Variants in CAMKMT observed in about 807,000 individuals in gnomAD.
The protein encoded by CAMKMT is calmodulin-lysine N-methyltransferase.
Under a neutral mutation model 48.0 loss-of-function variants are expected in CAMKMT, and 53 were observed. The observed-to-expected ratio is 1.10, with a 90% CI of 0.89 to 1.39. The LOEUF (loss-of-function observed/expected upper bound fraction) is 1.39, where lower values mean the gene tolerates loss of function less well. CAMKMT is among the 40% of genes most tolerant of loss of function. The pLI, the probability that CAMKMT is intolerant of heterozygous loss-of-function variation, is 0.00. For synonymous variants in CAMKMT, 165 were observed against 152.3 expected (o/e 1.08, Z -0.61); for missense variants, 428 against 402.7 (o/e 1.06, Z -0.54).
rs1004426126 is a variant in CAMKMT at position 44,750,029 on chromosome 2, C to T, written c.699-4026C>T. ...TTCTAGCTTAAGGTAAGGGACTCAC[C>T]GTTAGAGAAGAAATTCAAGTTGTGA... On this transcript the variant is annotated intron_variant, in intron 8 of 10. Coordinates refer to ENST00000378494, the MANE Select transcript of CAMKMT (RefSeq NM_024766.5). Among the ~76,000 whole-genome samples, 12 of 152,248 alleles carry T rather than the reference C, an allele frequency of 7.9e-5. No individual in the cohort carries two copies. In the East Asian group the frequency reaches 2.1e-3, roughly 27 times the overall value.
At chr2:44,647,631 C>A (rs2104022447) in intron 3 of CAMKMT, among the ~76,000 whole-genome samples, 1 of 152,160 alleles carries the variant, frequency 6.6e-6, no homozygotes, top group South Asian at 2.1e-4. Context: ...ATGGGCCGGG[C>A]ACAGTGGCTC....
intron 3 of CAMKMT, among the ~76,000 whole-genome samples, chr2:44,588,358 T>C (rs1234062420): frequency 2.9e-5 from 1 of 34,726 alleles, no homozygotes; most frequent in Non-Finnish European, 5.6e-5. Context: ...GGGGAGGGGC[T>C]CCTCTGCCCG....
At chr2:44,750,831 T>G (rs980429300) in intron 8 of CAMKMT, among the ~76,000 whole-genome samples, 2 of 152,170 alleles carry the variant, frequency 1.3e-5, no homozygotes, top group African/African-American at 4.8e-5. Context: ...CTGGCCAACA[T>G]GGTGAAACCC....
chr2:44,537,042 T>A, intron 3 of CAMKMT, among the ~76,000 whole-genome samples: 1 of 152,048 alleles, frequency 6.6e-6, no homozygotes. Context: ...AAATATCAGA[T>A]CCCAAACTAT....
chr2:44,655,268 C>A (rs192910934), intron 3 of CAMKMT, among the ~76,000 whole-genome samples: 1 of 152,134 alleles, frequency 6.6e-6, no homozygotes, highest in South Asian at 2.1e-4. Context: ...AAATGATAAG[C>A]TCCCAAATGC....
At chr2:44,501,757 C>A (rs1296775807) in intron 3 of CAMKMT, among the ~76,000 whole-genome samples, 1 of 152,082 alleles carries the variant, frequency 6.6e-6, no homozygotes, top group Non-Finnish European at 1.5e-5. Context: ...GTGGCTCGTG[C>A]TTGTAGTCCC....
chr2:44,767,809 A>G lies in CAMKMT; in HGVS notation c.894+1248A>G, dbSNP rs554398636. ...CTGGCTCCCTGGACTCCTCCACCCA[A>G]AGGAATAATGTGGCTTTCTCTCCAG... On this transcript the variant is annotated intron_variant, in intron 10 of 10. Coordinates refer to ENST00000378494, the MANE Select transcript of CAMKMT (RefSeq NM_024766.5). Among the ~76,000 whole-genome samples, 8 of 152,276 alleles carry G rather than the reference A, an allele frequency of 5.3e-5. No homozygotes were observed. The East Asian group carries it at 9.6e-4, about 18-fold the overall frequency.
chr2:44,464,389 AAGG>A (rs1272056115), intron 3 of CAMKMT, among the ~76,000 whole-genome samples: 4 of 152,206 alleles, frequency 2.6e-5, no homozygotes, highest in Non-Finnish European at 4.4e-5. Flanking sequence ...GGAGTTCTAG[AAGG>A]AGAAGAGAGA....
chr2:44,663,687 T>A (rs887617849), intron 3 of CAMKMT, among the ~76,000 whole-genome samples: 1 of 152,202 alleles, frequency 6.6e-6, no homozygotes, highest in Non-Finnish European at 1.5e-5. Context: ...GGGTTTTAAT[T>A]GCCTATAACA....
chr2:44,713,212 T>C (rs1021799831), intron 6 of CAMKMT, among the ~76,000 whole-genome samples: 1 of 152,214 alleles, frequency 6.6e-6, no homozygotes, highest in Admixed American at 6.5e-5. Flanking sequence ...TTCTGAGTTA[T>C]ATAATTTAAC....
intron 3 of CAMKMT, among the ~76,000 whole-genome samples, chr2:44,524,669 C>T (rs1323995981): frequency 1.3e-5 from 2 of 152,048 alleles, no homozygotes; most frequent in Non-Finnish European, 2.9e-5. Flanking sequence ...CTTCATGCTC[C>T]AGAAATACTT....
intron 3 of CAMKMT, among the ~76,000 whole-genome samples, chr2:44,621,402 AG>A (rs1473634961): frequency 6.6e-6 from 1 of 152,110 alleles, no homozygotes; most frequent in African/African-American, 2.4e-5. Flanking sequence ...GATTGTGAAA[AG>A]TAAGATACAA....
chr2:44,677,608 T>C (rs1461327998), intron 3 of CAMKMT, among the ~76,000 whole-genome samples: 3 of 151,954 alleles, frequency 2.0e-5, no homozygotes, highest in African/African-American at 7.3e-5. Flanking sequence ...CTCAGGAGGC[T>C]GAGGCAGGAG....
At chr2:44,568,191 G>A (rs1668715470) in intron 3 of CAMKMT, among the ~76,000 whole-genome samples, 1 of 152,074 alleles carries the variant, frequency 6.6e-6, no homozygotes, top group African/African-American at 2.4e-5. Flanking sequence ...CATAGGCAAA[G>A]TCCTGAAATG....
intron 3 of CAMKMT, among the ~76,000 whole-genome samples, chr2:44,554,815 G>A (rs1572786470): frequency 6.6e-6 from 1 of 152,150 alleles, no homozygotes. Flanking sequence ...GGTCAAGGCT[G>A]CAGTGAACCA....
chr2:44,504,760 A>T (rs903204797), intron 3 of CAMKMT, among the ~76,000 whole-genome samples: 4 of 152,182 alleles, frequency 2.6e-5, no homozygotes, highest in Admixed American at 6.6e-5. Context: ...CCATCTGTAT[A>T]TCCTTTTTTG....
At chr2:44,397,965 C>G (rs1682010833) in intron 3 of CAMKMT, among the ~76,000 whole-genome samples, 1 of 152,154 alleles carries the variant, frequency 6.6e-6, no homozygotes, top group South Asian at 2.1e-4. Flanking sequence ...AGGGATGTTT[C>G]TAATTTAGGT....
At chr2:44,502,699 A>C (rs973846486) in intron 3 of CAMKMT, among the ~76,000 whole-genome samples, 1 of 152,174 alleles carries the variant, frequency 6.6e-6, no homozygotes, top group African/African-American at 2.4e-5. Flanking sequence ...GAAAAAGAAC[A>C]CTGAGAGCCC....
chr2:44,603,706 T>C lies in CAMKMT; in HGVS notation c.377-100577T>C, dbSNP rs1232641411. Among the ~76,000 whole-genome samples, 5 of 152,220 alleles carry C rather than the reference T, an allele frequency of 3.3e-5. No homozygotes were observed. In the East Asian group the frequency reaches 9.6e-4, roughly 29 times the overall value. ...GAGTTACTTAATAAAAAGGTATACA[T>C]ACACATAGTCAAATTGCCCTCTTTA... On this transcript the variant is annotated intron_variant, in intron 3 of 10. Coordinates refer to ENST00000378494, the MANE Select transcript of CAMKMT (RefSeq NM_024766.5).
Sources: gnomAD v4.1 joint callset for allele counts (sites outside exome capture counted in the v4.1 genomes callset) on GRCh38, gnomAD v4.1.1 for gene constraint, MANE v1.5 for transcripts, NCBI Gene and HGNC (gene_info 2026-07-23, HGNC 2026-07-21) for gene names.